The following TSHR variants were observed in gnomAD, a reference collection of about 807,000 sequenced individuals.
TSHR encodes thyrotropin receptor.
A neutral mutation model predicts 64.1 loss-of-function variants in TSHR; 51 were observed. The observed-to-expected ratio is 0.80, with a 90% confidence interval of 0.64 to 1.01. The LOEUF is 1.01. TSHR is among the 50% of genes least tolerant of loss of function. The pLI, the probability that TSHR is intolerant of heterozygous loss-of-function variation, is 0.00. For missense variants in TSHR, 877 were observed against 942.8 expected (o/e 0.93, Z 0.91); for synonymous variants, 361 against 361.9 (o/e 1.00, Z 0.03).
chr14:81,050,347 A>G (rs1885368089), intron 1 of TSHR: 1 of 152,184 alleles, frequency 6.6e-6, no homozygotes, highest in African/African-American at 2.4e-5. Flanking sequence ...TTAGCCTGAG[A>G]ACATTTTTTA....
In TSHR at chr14:81,144,237, G is replaced by A. The variant is rs764711377; in HGVS notation, c.2179G>A (p.Glu727Lys). 63 of 1,613,344 alleles carry A rather than the reference G, an allele frequency of 3.9e-5. No individual in the cohort carries two copies. In the South Asian group the frequency reaches 4.0e-4, roughly 10 times the overall value. Residue 727 changes from glutamate (E) to lysine (K), a missense_variant, in exon 10 of 10, where the codon GAG (glutamate) becomes AAG (lysine). Transcript: ENST00000298171. Reference protein sequence around the residue: ...TDIQVQKVTHEMRQGLHNMED... With the variant: ...TDIQVQKVTHKMRQGLHNMED... ...TATTCAGGTTCAAAAGGTTACCCAC[G>A]AGATGAGGCAGGGTCTCCACAACAT...
intron 8 of TSHR, among the ~76,000 whole-genome samples, chr14:81,125,824 G>A (rs548763396): frequency 6.6e-6 from 1 of 152,060 alleles, no homozygotes; most frequent in Admixed American, 6.5e-5. Context: ...CAAAGGAGCC[G>A]AGTTGTTGGG....
chr14:80,966,591 A>T (rs1412072007), intron 1 of TSHR, among the ~76,000 whole-genome samples: 1 of 152,104 alleles, frequency 6.6e-6, no homozygotes, highest in Non-Finnish European at 1.5e-5. Context: ...AAAAAAAAAA[A>T]TAAAAATTTA....
rs2075178 is a variant in TSHR, at chr14:81,096,464, A to G, written c.546-175A>G. Among the ~76,000 whole-genome samples, 39,349 of 152,148 alleles carry G rather than the reference A, an allele frequency of 0.26. 7,529 individuals are homozygous for G. Among genetic ancestry groups the G allele is most frequent in the African/African-American group, 0.54 (22,347 of 41,480 alleles). Reference sequence around the variant, plus strand: ...AGAATGGGCATTCAAACTGAGAAATATTATCTTGTTTCCAACAACTTGTAC... The same window carrying G: ...AGAATGGGCATTCAAACTGAGAAATGTTATCTTGTTTCCAACAACTTGTAC... On this transcript the variant is annotated intron_variant, in intron 6 of 9. Transcript: ENST00000298171.
At chr14:81,112,873 T>A (rs760232031) in intron 8 of TSHR, among the ~76,000 whole-genome samples, 1 of 152,190 alleles carries the variant, frequency 6.6e-6, no homozygotes, top group Non-Finnish European at 1.5e-5. Context: ...AAGGAGGCCA[T>A]TGCCGCTCAA....
intron 3 of TSHR, among the ~76,000 whole-genome samples, chr14:81,068,770 G>C (rs1214144248): frequency 6.6e-6 from 1 of 152,190 alleles, no homozygotes; most frequent in Non-Finnish European, 1.5e-5. Context: ...GTTGGTCAGA[G>C]TTGGATTTGA....
intron 2 of TSHR, among the ~76,000 whole-genome samples, chr14:81,065,695 G>A (rs1691168198): frequency 1.3e-5 from 2 of 152,154 alleles, no homozygotes; most frequent in Admixed American, 1.3e-4. Flanking sequence ...TTCCTTGAAG[G>A]TAGGGAACAG....
intron 6 of TSHR, 35 bp downstream of exon 6, chr14:81,092,643 A>G (rs368516194): frequency 2.0e-5 from 32 of 1,598,002 alleles, no homozygotes; most frequent in Non-Finnish European, 2.7e-5. Context: ...TCCATCAACT[A>G]AATTCTATTT....
chr14:81,141,672 G>A (rs922493309), intron 9 of TSHR, among the ~76,000 whole-genome samples: 1 of 152,194 alleles, frequency 6.6e-6, no homozygotes, highest in African/African-American at 2.4e-5. Flanking sequence ...ACTTTGGGAG[G>A]CAGAGGTGGG....
At chr14:80,996,624 C>G (rs936759600) in intron 1 of TSHR, among the ~76,000 whole-genome samples, 1 of 152,106 alleles carries the variant, frequency 6.6e-6, no homozygotes, top group African/African-American at 2.4e-5. Flanking sequence ...TTCGAGCAAT[C>G]AGGAAAATCT....
chr14:81,022,644 A>C (rs1451779981), intron 1 of TSHR, among the ~76,000 whole-genome samples: 1 of 151,864 alleles, frequency 6.6e-6, no homozygotes, highest in Non-Finnish European at 1.5e-5. Flanking sequence ...AACATGGTGA[A>C]ACCCCATCTC....
Position 81,139,741 on chromosome 14 carries a change from T to G in TSHR, c.755T>G (p.Leu252Arg). ...PSKGLEHLKE[L>R]IARNTWTLKK... ...AAAGGCCTGGAGCACCTGAAGGAAC[T>G]GATAGCAAGAAACACCTGGACTCTT... Residue 252 changes from leucine to arginine, a missense_variant, in exon 9 of 10, where the codon CTG becomes CGG. By Grantham distance (102) the Leu-to-Arg change is moderately radical. Coordinates refer to ENST00000298171, the MANE Select transcript of TSHR (RefSeq NM_000369.5). 1.9e-6 allele frequency: 3 copies of G among 1,614,216 alleles called. No homozygotes were observed. The highest frequency in any genetic ancestry group is 1.7e-6 in the Non-Finnish European group (2 of 1,180,032).
intron 1 of TSHR, among the ~76,000 whole-genome samples, chr14:81,047,895 C>T (rs1364061206): frequency 6.6e-6 from 1 of 152,124 alleles, no homozygotes; most frequent in African/African-American, 2.4e-5. Context: ...ATCCACCCAC[C>T]TCAGCCTCCC....
In TSHR at chr14:81,024,341, C is replaced by T. The variant is rs749677644; in HGVS notation, c.171-37807C>T. ...TCGGCTCACTGCAACCTCCACCTTCCGGGTTCAAGCGATTCTTCTGCCTCA... is the reference window on the plus strand; with the variant it reads ...TCGGCTCACTGCAACCTCCACCTTCTGGGTTCAAGCGATTCTTCTGCCTCA... On this transcript the variant is annotated intron_variant, in intron 1 of 9. Transcript: ENST00000298171. Among the ~76,000 whole-genome samples the T allele has an allele frequency of 7.9e-5, 12 of 152,182 alleles. No individual in the cohort carries two copies. The East Asian group carries it at 1.4e-3, about 17-fold the overall frequency.
intron 3 of TSHR, among the ~76,000 whole-genome samples, chr14:81,086,748 G>C (rs1401251182): frequency 2.6e-5 from 4 of 152,168 alleles, no homozygotes; most frequent in Non-Finnish European, 4.4e-5. Context: ...GAAATAAAAA[G>C]GAGTGAACTA....
rs112030020 is a variant in TSHR at position 81,037,141 on chromosome 14, C to CA, written c.171-24997dup. Among the ~76,000 whole-genome samples, 277 of 146,258 alleles carry CA rather than the reference C, an allele frequency of 1.9e-3. 3 individuals carry two copies. Among genetic ancestry groups the CA allele is most frequent in the Admixed American group, 7.5e-3 (110 of 14,628 alleles). ...CAGGCAACAAAGCAAGACTCAGTCT[C>CA]AAAAAAAAAATGTTTTTAATAAAAA... On this transcript the variant is annotated intron_variant, in intron 1 of 9. Transcript: ENST00000298171.
chr14:81,055,682 T>A (rs1437216193), intron 1 of TSHR, among the ~76,000 whole-genome samples: 1 of 152,226 alleles, frequency 6.6e-6, no homozygotes, highest in East Asian at 1.9e-4. Context: ...TCCTGCTGTA[T>A]TTCAGACTTG....
intron 3 of TSHR, 145 bp from the exon 4 acceptor site, chr14:81,087,809 G>A (rs1888395943): frequency 2.8e-6 from 2 of 716,052 alleles, no homozygotes; most frequent in African/African-American, 1.7e-5. Flanking sequence ...TGGGACCCCT[G>A]GCAGCTACAG....
intron 1 of TSHR, among the ~76,000 whole-genome samples, chr14:80,981,486 G>T (rs7147838): frequency 1.3e-5 from 2 of 152,044 alleles, no homozygotes; most frequent in Admixed American, 1.3e-4. Context: ...GGCCCTGGGC[G>T]TGTGGAGGCT....
Sources: allele counts gnomAD v4.1 joint callset (sites outside exome capture counted in the v4.1 genomes callset), GRCh38; gene constraint gnomAD v4.1.1; transcripts MANE v1.5; gene names NCBI Gene and HGNC (gene_info 2026-07-23, HGNC 2026-07-21).